GRM8: variants seen among roughly 807,000 people sequenced by gnomAD.
GRM8 encodes the protein glutamate metabotropic receptor 8.
Under a neutral mutation model 87.2 loss-of-function variants are expected in GRM8, and 47 were observed. That is an observed-to-expected ratio of 0.54 (90% CI 0.43 to 0.69). The LOEUF is 0.69. GRM8 is among the 30% of genes least tolerant of loss of function. The probability of loss-of-function intolerance (pLI) is 0.00; values close to 1 mark genes in which losing one functional copy is unlikely to be tolerated. For synonymous variants in GRM8, 396 were observed against 404.5 expected (o/e 0.98, Z 0.25); for missense variants, 1,019 against 1,139.2 (o/e 0.89, Z 1.52).
chr7:127,015,794 A>T (rs1815606844), intron 3 of GRM8, among the ~76,000 whole-genome samples: 1 of 152,150 alleles, frequency 6.6e-6, no homozygotes, highest in Non-Finnish European at 1.5e-5. Context: ...ACATATATCA[A>T]CATACAGAAG....
chr7:126,489,178 C>A (rs1422214244), intron 9 of GRM8, among the ~76,000 whole-genome samples: 1 of 151,972 alleles, frequency 6.6e-6, no homozygotes, highest in Non-Finnish European at 1.5e-5. Flanking sequence ...ATGTCTGCAA[C>A]AGTGAAATGC....
intron 6 of GRM8, among the ~76,000 whole-genome samples, chr7:126,845,197 G>A (rs1461121815): frequency 6.6e-6 from 1 of 152,188 alleles, no homozygotes; most frequent in Non-Finnish European, 1.5e-5. Context: ...TAAACTTTAA[G>A]GGCTGCCTTA....
intron 3 of GRM8, among the ~76,000 whole-genome samples, chr7:126,952,133 G>T (rs1228052145): frequency 5.1e-4 from 78 of 151,936 alleles, no homozygotes; most frequent in Admixed American, 5.0e-3. Context: ...AAGTAAGAAA[G>T]TGTTCAAAAA....
chr7:126,807,703 A>G (rs1792917335), intron 6 of GRM8, among the ~76,000 whole-genome samples: 1 of 152,058 alleles, frequency 6.6e-6, no homozygotes. Flanking sequence ...AGTTGCCTCT[A>G]AAGACCCATC....
chr7:126,649,673 C>A (rs1006128242), intron 7 of GRM8, among the ~76,000 whole-genome samples: 1 of 152,156 alleles, frequency 6.6e-6, no homozygotes, highest in Non-Finnish European at 1.5e-5. Context: ...GCCCCTCCTA[C>A]AACCAAGAAA....
chr7:126,738,904 A>G (rs1814581598), intron 7 of GRM8, among the ~76,000 whole-genome samples: 1 of 152,032 alleles, frequency 6.6e-6, no homozygotes, highest in Non-Finnish European at 1.5e-5. Flanking sequence ...GATGTTGATG[A>G]AAAACTCCAA....
chr7:126,898,046 G>C (rs920109470), intron 6 of GRM8, among the ~76,000 whole-genome samples: 1 of 152,008 alleles, frequency 6.6e-6, no homozygotes, highest in Non-Finnish European at 1.5e-5. Flanking sequence ...AATTACGTTC[G>C]CAGATCACCG....
chr7:126,811,300 G>A (rs1432647931), intron 6 of GRM8, among the ~76,000 whole-genome samples: 2 of 151,694 alleles, frequency 1.3e-5, no homozygotes, highest in African/African-American at 4.8e-5. Context: ...TTCAGGTAAT[G>A]TGATACCTCC....
chr7:127,021,864 A>C (rs1816308211), intron 3 of GRM8, among the ~76,000 whole-genome samples: 2 of 152,248 alleles, frequency 1.3e-5, no homozygotes, highest in South Asian at 4.1e-4. Context: ...AAATACAATG[A>C]AAAGATATGT....
At position 126,951,040 on chromosome 7, in the gene GRM8, A is replaced by AT. The variant is rs555008848; in HGVS notation, c.728-46358dup. Among the ~76,000 whole-genome samples, 609 of 152,230 alleles carry AT rather than the reference A, an allele frequency of 4.0e-3. 5 individuals are homozygous for AT. Among genetic ancestry groups the AT allele is most frequent in the African/African-American group, 0.014 (580 of 41,548 alleles). ...TGGTACATAAAGAAGATATTGTCAT[A>AT]TATCTCCAAAATGGAGTACAATAAT... On this transcript the variant is annotated intron_variant, in intron 3 of 10. Transcript: ENST00000339582.
rs766585834 is a variant in GRM8, at chr7:126,439,137, G to T, written c.2709C>A (p.Tyr903Ter). The change falls in exon 11 of 11, where the codon TAC becomes TAA. Residue 903 changes from tyrosine to a stop codon, truncating the protein, a stop_gained. Transcript: ENST00000339582. LOFTEE classifies it high-confidence loss of function. ...CCCTGTTTCAGATTGAATGATTGCT[G>T]TAACTGATATATGTTGTCTTGGTAG... ...TSSTKTTYIS[Y>*]SNHSI 1 of 1,571,734 alleles carries T rather than the reference G, an allele frequency of 6.4e-7. No homozygotes were observed. Among genetic ancestry groups the T allele is most frequent in the Non-Finnish European group, 8.8e-7 (1 of 1,141,736 alleles).
intron 2 of GRM8, among the ~76,000 whole-genome samples, chr7:127,165,093 A>G (rs1259024708): frequency 7.0e-6 from 1 of 143,020 alleles, no homozygotes; most frequent in African/African-American, 2.5e-5. Flanking sequence ...CCCTGCCCTC[A>G]TGGAGCTTCC....
chr7:126,990,001 G>A (rs7783138), intron 3 of GRM8, among the ~76,000 whole-genome samples: 2 of 151,832 alleles, frequency 1.3e-5, no homozygotes, highest in African/African-American at 2.4e-5. Context: ...CGAAGCCCTC[G>A]GGCGGAAAAT....
At chr7:126,952,967 T>C (rs530412352) in intron 3 of GRM8, among the ~76,000 whole-genome samples, 2 of 152,202 alleles carry the variant, frequency 1.3e-5, no homozygotes, top group African/African-American at 2.4e-5. Flanking sequence ...ATTGGTATTA[T>C]ATCAATGTTA....
At chr7:126,818,769 A>G (rs1314833897) in intron 6 of GRM8, among the ~76,000 whole-genome samples, 1 of 152,212 alleles carries the variant, frequency 6.6e-6, no homozygotes, top group African/African-American at 2.4e-5. Context: ...AGGATATCAC[A>G]TCTAATTATT....
chr7:126,459,903 G>A (rs1385309530), intron 9 of GRM8, among the ~76,000 whole-genome samples: 1 of 151,434 alleles, frequency 6.6e-6, no homozygotes, highest in African/African-American at 2.4e-5. Context: ...CTTGATAAAT[G>A]GTATCTTTCA....
intron 7 of GRM8, among the ~76,000 whole-genome samples, chr7:126,631,884 A>G (rs1246656877): frequency 6.6e-6 from 1 of 152,204 alleles, no homozygotes; most frequent in Non-Finnish European, 1.5e-5. Context: ...AATTAACTCA[A>G]GATGGATTAA....
In GRM8 at chr7:127,101,096, G is replaced by C. The variant is rs141703290; in HGVS notation, c.727+5400C>G. Among the ~76,000 whole-genome samples, 49 of 152,170 alleles carry C rather than the reference G, an allele frequency of 3.2e-4. 1 individual carries two copies. Among genetic ancestry groups the C allele is most frequent in the African/African-American group, 1.1e-3 (44 of 41,510 alleles). On this transcript the variant is annotated intron_variant, in intron 3 of 10. Transcript: ENST00000339582. ...GTACCTGCCTTTTCCTAGTTGCCCA[G>C]GTATGCAATTTCAAGTTCAACTTTA...
At chr7:126,678,774 G>T (rs1378463534) in intron 7 of GRM8, among the ~76,000 whole-genome samples, 1 of 152,176 alleles carries the variant, frequency 6.6e-6, no homozygotes, top group African/African-American at 2.4e-5. Flanking sequence ...TTCAGGAAGA[G>T]ATGGAATTTT....
Sources: allele counts gnomAD v4.1 joint callset (sites outside exome capture counted in the v4.1 genomes callset), GRCh38; gene constraint gnomAD v4.1.1; transcripts MANE v1.5; gene names NCBI Gene and HGNC (gene_info 2026-07-23, HGNC 2026-07-21).